Variants in ITGAM observed in about 807,000 individuals in gnomAD.
The protein encoded by ITGAM is integrin alpha-M.
A neutral mutation model predicts 137.5 loss-of-function variants in ITGAM; 79 were observed. That is an observed-to-expected ratio of 0.57 (90% CI 0.48 to 0.69). ITGAM has a LOEUF of 0.69. Among genes scored for constraint, ITGAM ranks in the 30% least tolerant of loss-of-function variants. The pLI, the probability that ITGAM is intolerant of heterozygous loss-of-function variation, is 0.00. For synonymous variants in ITGAM, 583 were observed against 592.3 expected, an observed-to-expected ratio of 0.98 and a Z score of 0.23; for missense variants, 1,343 against 1,483.5, an observed-to-expected ratio of 0.91 and a Z score of 1.56.
At chr16:31,329,939 C>T (rs1197621296) in intron 25 of ITGAM, 34 bp downstream of exon 25, 3 of 1,537,010 alleles carry the variant, frequency 2.0e-6, no homozygotes, top group African/African-American at 1.4e-5. Flanking sequence ...CTGCACGGCC[C>T]TGCGCGTTCC....
intron 21 of ITGAM, 52 bp from the exon 22 acceptor site, chr16:31,326,804 G>T (rs1407925706): frequency 1.8e-5 from 23 of 1,251,284 alleles, no homozygotes; most frequent in Non-Finnish European, 2.5e-5. Flanking sequence ...GGGCATTTGG[G>T]TTATTTTTTC....
At position 31,265,467 on chromosome 16, in the gene ITGAM, C is replaced by A; in HGVS notation, c.207C>A (p.Ser69Arg). 1 of 1,605,832 alleles carries A rather than the reference C, an allele frequency of 6.2e-7. No individual in the cohort carries two copies. The highest frequency in any genetic ancestry group is 1.7e-5 in the Admixed American group (1 of 58,856). Residue 69 changes from serine to arginine, a missense_variant, in exon 3 of 30, where the codon AGC becomes AGA. Coordinates refer to ENST00000544665, the MANE Select transcript of ITGAM (RefSeq NM_000632.4). The stretch of plus-strand genomic sequence containing the variant: ...GCAGCCTCTACCAGTGCGACTACAG[C>A]ACAGGCTCATGCGAGCCCATCCGCC... The part of the protein sequence containing the change: ...QRGSLYQCDY[S>R]TGSCEPIRLQ...
At position 31,276,962 on chromosome 16, in the gene ITGAM, G is replaced by A; in HGVS notation, c.1126G>A (p.Gly376Ser). 6.2e-7 allele frequency: 1 copy of A among 1,613,322 alleles called. No individual in the cohort carries two copies. Among genetic ancestry groups the A allele is most frequent in the Non-Finnish European group, 8.5e-7 (1 of 1,179,634 alleles). Reference protein sequence around the residue: ...LSTVGSYDWAGGVFLYTSKEK... With the variant: ...LSTVGSYDWASGVFLYTSKEK... ...CACTGTGGGGAGCTATGACTGGGCT[G>A]GTGGAGTCTTTCTATATACATCAAA... The change falls in exon 11 of 30, where the codon GGT becomes AGT. Residue 376 changes from glycine (G) to serine (S), a missense_variant. By Grantham distance (56) the Gly-to-Ser change is moderately conservative (BLOSUM62 0). Transcript: ENST00000544665.
chr16:31,331,115 C>G, intron 28 of ITGAM, 50 bp from the exon 29 acceptor site: 1 of 954,412 alleles, frequency 1.0e-6, no homozygotes, highest in Non-Finnish European at 1.7e-6. Flanking sequence ...AATGGGGAAC[C>G]CCCAGAAATC....
intron 12 of ITGAM, among the ~76,000 whole-genome samples, chr16:31,281,842 C>A (rs1478958738): frequency 1.3e-5 from 2 of 152,166 alleles, no homozygotes; most frequent in African/African-American, 4.8e-5. Context: ...TTCCTGCTTT[C>A]TCTTGTGGGC....
intron 7 of ITGAM, among the ~76,000 whole-genome samples, chr16:31,272,771 A>G (rs2079865526): frequency 6.6e-6 from 1 of 151,690 alleles, no homozygotes; most frequent in South Asian, 2.1e-4. Context: ...AGTGTCAGCC[A>G]TAAATATATA....
chr16:31,277,314 T>C (rs1210338148), intron 11 of ITGAM, among the ~76,000 whole-genome samples: 1 of 151,710 alleles, frequency 6.6e-6, no homozygotes, highest in Non-Finnish European at 1.5e-5. Context: ...TACCTCAGTC[T>C]CCTGAGTAGC....
chr16:31,277,957 C>A lies in ITGAM; in HGVS notation c.1214-10C>A. On this transcript the variant is annotated splice_polypyrimidine_tract_variant and intron_variant, in intron 11 of 29. Transcript: ENST00000544665. ...GGAATGCACTTCACCTCTCAGACCC[C>A]CACCTTCAGGTTATGCTGCCGCCAT... 1 of 1,582,556 alleles carries A rather than the reference C, an allele frequency of 6.3e-7. No homozygotes were observed. Among genetic ancestry groups the A allele is most frequent in the Non-Finnish European group, 8.6e-7 (1 of 1,163,906 alleles).
rs779066530 is a variant in ITGAM, at chr16:31,331,587, G to A, written c.3388-49G>A. On this transcript the variant is annotated intron_variant, in intron 29 of 29. Transcript: ENST00000544665. ...CCCCCTCCCCCTGGTCTGCGGAGCC[G>A]CACGCTCCCTGGCTGCTGTCGCTCT... The A allele has an allele frequency of 1.4e-5, 9 of 627,290 alleles. No individual in the cohort carries two copies. In the East Asian group the frequency reaches 1.9e-4, roughly 13 times the overall value. 38.9% of individuals were successfully genotyped at this position (627,290 alleles called of 1,614,324 possible). A position where few individuals can be genotyped will look rare whatever the true frequency, so the allele number is the denominator to read the frequency against.
intron 14 of ITGAM, among the ~76,000 whole-genome samples, chr16:31,301,167 C>T (rs1298233819): frequency 1.3e-5 from 2 of 152,146 alleles, no homozygotes; most frequent in East Asian, 3.8e-4. Context: ...CACCATCTTT[C>T]CAGCTTCTCC....
At chr16:31,287,202 T>C (rs546014879) in intron 12 of ITGAM, among the ~76,000 whole-genome samples, 59 of 152,272 alleles carry the variant, frequency 3.9e-4, no homozygotes, top group African/African-American at 1.3e-3. Flanking sequence ...GGTGGGTGGC[T>C]TTATTTCTGG....
Position 31,275,575 on chromosome 16 carries a change from A to G in ITGAM, c.885A>G (p.Lys295=), listed in dbSNP as rs375928727. 1 of 1,613,874 alleles carries G rather than the reference A, an allele frequency of 6.2e-7. No homozygotes were observed. The highest frequency in any genetic ancestry group is 1.3e-5 in the African/African-American group (1 of 74,932). The stretch of plus-strand genomic sequence containing the variant: ...TGGGAGATGCCTTCCGCAGTGAGAA[A>G]TCCCGCCAAGAGCTTAATACCATCG... ...IGVGDAFRSE[K]SRQELNTIAS... Residue 295 remains lysine (K), a synonymous_variant, in exon 9 of 30, where the codon AAA becomes AAG. Coordinates refer to ENST00000544665, the MANE Select transcript of ITGAM (RefSeq NM_000632.4).
intron 22 of ITGAM, among the ~76,000 whole-genome samples, chr16:31,327,791 A>C (rs929403560): frequency 6.6e-6 from 1 of 152,078 alleles, no homozygotes; most frequent in Non-Finnish European, 1.5e-5. Context: ...TGGTGGTTAG[A>C]TACAGGCCAT....
intron 1 of ITGAM, among the ~76,000 whole-genome samples, chr16:31,260,360 G>C (rs904026727): frequency 6.6e-6 from 1 of 152,114 alleles, no homozygotes; most frequent in Non-Finnish European, 1.5e-5. Flanking sequence ...GGAGGCCCAG[G>C]GAGGAGAAGT....
chr16:31,290,794 C>T (rs753381390), intron 12 of ITGAM, among the ~76,000 whole-genome samples: 2 of 151,944 alleles, frequency 1.3e-5, no homozygotes, highest in Non-Finnish European at 2.9e-5. Context: ...AAATAAAACC[C>T]TCTCTATTTG....
intron 12 of ITGAM, among the ~76,000 whole-genome samples, chr16:31,279,975 G>A (rs1163005785): frequency 1.3e-5 from 2 of 151,590 alleles, no homozygotes; most frequent in South Asian, 2.1e-4. Flanking sequence ...AGTTTTCCCA[G>A]CACCATTATT....
At chr16:31,291,016 A>G (rs1279789423) in intron 12 of ITGAM, among the ~76,000 whole-genome samples, 1 of 152,220 alleles carries the variant, frequency 6.6e-6, no homozygotes, top group Non-Finnish European at 1.5e-5. Context: ...CAAACGAATC[A>G]TGTACGGTAA....
Position 31,324,591 on chromosome 16 carries a change from G to C in ITGAM, c.2157+38G>C. Reference sequence around the variant, plus strand: ...GTGGCCAGACCCCTGGGTCTTCCAAGCATGGAGTGGGCTTGGGGAGCTGAG... The same window carrying C: ...GTGGCCAGACCCCTGGGTCTTCCAACCATGGAGTGGGCTTGGGGAGCTGAG... On this transcript the variant is annotated intron_variant, in intron 17 of 29. Coordinates refer to ENST00000544665, the MANE Select transcript of ITGAM (RefSeq NM_000632.4). The surrounding 1 kb of genome is among the most constrained non-coding windows in gnomAD (Gnocchi z 4.5). 1 of 1,610,432 alleles carries C rather than the reference G, an allele frequency of 6.2e-7. No homozygotes were observed. The highest frequency in any genetic ancestry group is 1.3e-5 in the African/African-American group (1 of 75,006).
In ITGAM at chr16:31,321,638, G is replaced by T; in HGVS notation, c.2002+11G>T. ...ATCGGCTAAGAGAAGGTGAGGCTTG[G>T]TGGATGAGTCTCAAGAGGTTAAACG... On this transcript the variant is annotated intron_variant, in intron 16 of 29. Coordinates refer to ENST00000544665, the MANE Select transcript of ITGAM (RefSeq NM_000632.4). 6.2e-7 allele frequency: 1 copy of T among 1,612,598 alleles called. No homozygotes were observed. The highest frequency in any genetic ancestry group is 2.2e-5 in the East Asian group (1 of 44,878).
Sources: gnomAD v4.1 joint callset for allele counts (sites outside exome capture counted in the v4.1 genomes callset) on GRCh38, gnomAD v4.1.1 for gene constraint, Gnocchi (gnomAD v3.1) non-coding constraint, MANE v1.5 for transcripts, NCBI Gene and HGNC (gene_info 2026-07-23, HGNC 2026-07-21) for gene names.